Variants in DDX19A observed in about 807,000 individuals in gnomAD.
The protein encoded by DDX19A is DEAD-box helicase 19A.
A neutral mutation model predicts 60.6 loss-of-function variants in DDX19A; 12 were observed. The observed-to-expected ratio is 0.20, with a 90% CI of 0.13 to 0.32. DDX19A has a LOEUF of 0.32. DDX19A is among the 10% of genes least tolerant of loss of function. DDX19A has a pLI of 1.00. For missense variants in DDX19A, 337 were observed against 600.6 expected (o/e 0.56, Z 4.59); for synonymous variants, 206 against 218.2 (o/e 0.94, Z 0.49).
chr16:70,357,374 T>TGG, intron 4 of DDX19A, among the ~76,000 whole-genome samples: 1 of 43,472 alleles, frequency 2.3e-5, no homozygotes, highest in African/African-American at 7.3e-5. Context: ...TTGTTTTTTT[T>TGG]TTTTTTTTTT....
chr16:70,359,569 T>C (rs896096766), intron 4 of DDX19A, among the ~76,000 whole-genome samples: 4 of 152,162 alleles, frequency 2.6e-5, no homozygotes, highest in Non-Finnish European at 5.9e-5. Flanking sequence ...ACATAAGAAG[T>C]TGGTGTCCAG....
chr16:70,348,068 T>C (rs568929892), intron 1 of DDX19A: 193 of 407,156 alleles, frequency 4.7e-4, no homozygotes, highest in African/African-American at 3.6e-3. Context: ...GAGAACAGAA[T>C]ATGTTAGAAG....
chr16:70,350,667 T>C lies in DDX19A; in HGVS notation c.106+62T>C, dbSNP rs980667779. The C allele has an allele frequency of 6.5e-5, 80 of 1,229,022 alleles. 2 individuals carry two copies. The South Asian group carries it at 9.4e-4, about 14-fold the overall frequency. The allele number at this position is 1,229,022 out of a possible 1,614,324, so 76.1% of individuals were successfully genotyped here. ...CATGTGGGCCGCTGCTTTGCACTCA[T>C]AGCTGCATTGTACAAAGAGCTGTCA... On this transcript the variant is annotated intron_variant, in intron 2 of 11. Coordinates refer to ENST00000302243, the MANE Select transcript of DDX19A (RefSeq NM_018332.5).
chr16:70,350,658 T>A, intron 2 of DDX19A, 53 bp downstream of exon 2: 1 of 1,330,590 alleles, frequency 7.5e-7, no homozygotes, highest in Non-Finnish European at 1.1e-6. Flanking sequence ...GGCCGCTGCT[T>A]TGCACTCATA....
chr16:70,349,883 C>A (rs1257438429), intron 1 of DDX19A, among the ~76,000 whole-genome samples: 2 of 152,186 alleles, frequency 1.3e-5, no homozygotes, highest in Non-Finnish European at 2.9e-5. Context: ...TAAAGGCTTC[C>A]TAATAGTTGG....
intron 6 of DDX19A, 105 bp downstream of exon 6, chr16:70,364,750 G>A: frequency 4.6e-6 from 4 of 877,142 alleles, no homozygotes; most frequent in Non-Finnish European, 7.5e-6. Context: ...ACCTTAGGCT[G>A]TGGCTCAGGC....
rs951377551 is a variant in DDX19A at position 70,365,201 on chromosome 16, G to A, written c.604+70G>A. ...TTGGGCGTTTGAATTTTGAAGATGC[G>A]ATGACCGTATTCAACTTTCTAATTC... is the stretch of plus-strand genomic sequence containing the variant. On this transcript the variant is annotated intron_variant, in intron 7 of 11. Coordinates refer to ENST00000302243, the MANE Select transcript of DDX19A (RefSeq NM_018332.5). 17 of 1,024,962 alleles carry A rather than the reference G, an allele frequency of 1.7e-5. No individual in the cohort carries two copies. The South Asian group carries it at 2.0e-4, about 12-fold the overall frequency. 63.5% of individuals were successfully genotyped at this position (1,024,962 alleles called of 1,614,324 possible). A position where few individuals can be genotyped will look rare whatever the true frequency, so the allele number is the denominator to read the frequency against.
At chr16:70,355,586 C>A in intron 3 of DDX19A, 51 bp downstream of exon 3, 1 of 1,499,804 alleles carries the variant, frequency 6.7e-7, no homozygotes. Context: ...CCAGGGCTTG[C>A]CTTCCTGGAG....
intron 4 of DDX19A, chr16:70,357,007 G>A (rs1005831605): frequency 2.5e-5 from 11 of 448,556 alleles, no homozygotes; most frequent in African/African-American, 2.3e-4. Flanking sequence ...CCAGCACTTT[G>A]GGAGGCCAAG....
intron 7 of DDX19A, 152 bp downstream of exon 7, chr16:70,365,283 T>G (rs1964486715): frequency 4.0e-6 from 2 of 494,580 alleles, no homozygotes; most frequent in Non-Finnish European, 7.2e-6. Context: ...GAATACCTGC[T>G]AATTTGTTAA....
chr16:70,367,283 C>T (rs1013765990), intron 9 of DDX19A, among the ~76,000 whole-genome samples: 30 of 151,908 alleles, frequency 2.0e-4, no homozygotes, highest in African/African-American at 5.3e-4. Context: ...AAAAAATTAG[C>T]GCGGCGTGGT....
intron 2 of DDX19A, among the ~76,000 whole-genome samples, chr16:70,353,900 C>CA (rs564352365): frequency 0.15 from 10,663 of 71,332 alleles, 1,484 homozygotes; most frequent in African/African-American, 0.4. Context: ...GACTCTGTCT[C>CA]AAAAAAAAAA....
Position 70,372,428 on chromosome 16 carries a change from G to C in DDX19A, c.*442G>C, listed in dbSNP as rs904129031. 2 of 219,232 alleles carry C rather than the reference G, an allele frequency of 9.1e-6. No individual in the cohort carries two copies. Among genetic ancestry groups the C allele is most frequent in the South Asian group, 6.4e-5 (1 of 15,744 alleles). The allele number at this position is 219,232 out of a possible 1,614,324, so 13.6% of individuals were successfully genotyped here. A position where few individuals can be genotyped will look rare whatever the true frequency, so the allele number is the denominator to read the frequency against. On this transcript the variant is annotated 3_prime_UTR_variant, in exon 12 of 12. Transcript: ENST00000302243. ...GAGGGAAGTGGCAGCAGAGAGGCCA[G>C]AGCTGCCCCCTCTCTGTCTCTTCAA...
intron 10 of DDX19A, chr16:70,370,963 C>T (rs1278639944): frequency 3.5e-6 from 1 of 284,166 alleles, no homozygotes; most frequent in Non-Finnish European, 6.7e-6. Context: ...CCATTGCACT[C>T]CAGCCTGGGC....
At chr16:70,368,116 G>A (rs2151644204) in intron 9 of DDX19A, among the ~76,000 whole-genome samples, 1 of 152,318 alleles carries the variant, frequency 6.6e-6, no homozygotes, top group East Asian at 1.9e-4. Flanking sequence ...GTTAGAGGCT[G>A]CAGTCAGCTG....
Position 70,363,678 on chromosome 16 carries a change from C to G in DDX19A, c.387-865C>G, listed in dbSNP as rs1347646983. 4 of 151,744 alleles carry G rather than the reference C, an allele frequency of 2.6e-5. No individual in the cohort carries two copies. The East Asian group carries it at 7.8e-4, about 30-fold the overall frequency. 9.4% of individuals were successfully genotyped at this position (151,744 alleles called of 1,614,324 possible). On this transcript the variant is annotated intron_variant, in intron 5 of 11. Coordinates refer to ENST00000302243, the MANE Select transcript of DDX19A (RefSeq NM_018332.5). ...TGGAGGTGGGGTTTCACCATGTTGG[C>G]CAGGCTGGTGTCGAACTCCTGACCT...
At chr16:70,347,288 T>G in intron 1 of DDX19A, 26 of 545,780 alleles carry the variant, frequency 4.8e-5, no homozygotes, top group East Asian at 6.2e-5. Flanking sequence ...CTATGCATGC[T>G]GTCATTCCTC....
intron 9 of DDX19A, among the ~76,000 whole-genome samples, chr16:70,368,357 C>G (rs1400254813): frequency 6.6e-6 from 1 of 151,952 alleles, no homozygotes; most frequent in African/African-American, 2.4e-5. Context: ...ACTGCAACCT[C>G]CGCCTCCTGG....
intron 1 of DDX19A, chr16:70,347,758 T>G (rs914618664): frequency 4.7e-6 from 1 of 212,820 alleles, no homozygotes; most frequent in African/African-American, 2.4e-5. Context: ...TGGCGCCATC[T>G]CGGCTCACCG....
Sources: gnomAD v4.1 joint callset for allele counts (sites outside exome capture counted in the v4.1 genomes callset) on GRCh38, gnomAD v4.1.1 for gene constraint, MANE v1.5 for transcripts, NCBI Gene and HGNC (gene_info 2026-07-23, HGNC 2026-07-21) for gene names.